The following SPAG16 variants were observed in gnomAD, a reference collection of about 807,000 sequenced individuals.
SPAG16 encodes sperm associated antigen 16, also known as sperm-associated antigen 16 protein.
A neutral mutation model predicts 80.4 loss-of-function variants in SPAG16; 86 were observed. The ratio of observed to expected loss-of-function variants is 1.07; its 90% CI spans 0.90 to 1.28. SPAG16 has a LOEUF of 1.28. Ranked by LOEUF, SPAG16 falls within the 50% of genes most tolerant of loss-of-function variation. The probability of loss-of-function intolerance (pLI) is 0.00; values close to 1 mark genes in which losing one functional copy is unlikely to be tolerated. For synonymous variants in SPAG16, 294 were observed against 265.9 expected (o/e 1.11, Z -1.03); for missense variants, 870 against 765.3 (o/e 1.14, Z -1.61).
chr2:214,086,598 C>T (rs537193759), intron 13 of SPAG16, among the ~76,000 whole-genome samples: 16 of 152,154 alleles, frequency 1.1e-4, no homozygotes, highest in African/African-American at 3.6e-4. Flanking sequence ...GAAGAGATGC[C>T]TTCCACCGTG....
At chr2:213,771,074 C>T (rs2069217052) in intron 10 of SPAG16, among the ~76,000 whole-genome samples, 1 of 152,058 alleles carries the variant, frequency 6.6e-6, no homozygotes, top group African/African-American at 2.4e-5. Context: ...ATTTACATTC[C>T]CTCCAAAAGT....
intron 15 of SPAG16, among the ~76,000 whole-genome samples, chr2:214,348,986 A>G (rs1320736478): frequency 6.6e-6 from 1 of 152,218 alleles, no homozygotes; most frequent in Non-Finnish European, 1.5e-5. Flanking sequence ...TTTTACAATT[A>G]AATTTACAAT....
At chr2:213,371,681 C>G (rs1328647002) in intron 8 of SPAG16, among the ~76,000 whole-genome samples, 2 of 140,558 alleles carry the variant, frequency 1.4e-5, no homozygotes, top group East Asian at 4.3e-4. Context: ...TTGTCATTTA[C>G]TCTAAACTTT....
At chr2:214,262,645 T>C (rs1335009909) in intron 15 of SPAG16, among the ~76,000 whole-genome samples, 2 of 152,046 alleles carry the variant, frequency 1.3e-5, no homozygotes, top group Non-Finnish European at 2.9e-5. Flanking sequence ...ATTTTTTCTG[T>C]ATCCTTCATC....
chr2:213,980,758 AGT>A lies in SPAG16; in HGVS notation c.1401-33192_1401-33191del, dbSNP rs1297236080. ...GAGAGAGAGAGAGAGAGAGAGAGAG[AGT>A]AAGCTGGGTGTGATGGTGTGTGCCT... On this transcript the variant is annotated intron_variant, in intron 12 of 15. Transcript: ENST00000331683. Among the ~76,000 whole-genome samples the A allele has an allele frequency of 2.7e-3, 386 of 143,500 alleles. 2 individuals are homozygous for A. Among genetic ancestry groups the A allele is most frequent in the Middle Eastern group, 7.5e-3 (2 of 266 alleles). 94.1% of individuals were successfully genotyped at this position (143,500 alleles called of 152,430 possible). A position where few individuals can be genotyped will look rare whatever the true frequency, so the allele number is the denominator to read the frequency against.
chr2:213,609,376 T>TC (rs1348653087), intron 10 of SPAG16, among the ~76,000 whole-genome samples: 1 of 152,230 alleles, frequency 6.6e-6, no homozygotes, highest in Non-Finnish European at 1.5e-5. Context: ...TTTAAGTATA[T>TC]CCCAATTCTT....
Position 214,201,656 on chromosome 2 carries a change from C to G in SPAG16, c.1720+52390C>G, listed in dbSNP as rs1330299970. 2.0e-5 allele frequency among the ~76,000 whole-genome samples: 3 copies of G among 152,134 alleles called. No homozygotes were observed. In the South Asian group the frequency reaches 6.2e-4, roughly 31 times the overall value. Reference sequence around the variant, plus strand: ...TTAGGTCACTTCAGCATGTCCTCTACAATGCCTGATATGGGATAGACTACA... The same window carrying G: ...TTAGGTCACTTCAGCATGTCCTCTAGAATGCCTGATATGGGATAGACTACA... On this transcript the variant is annotated intron_variant, in intron 15 of 15. Coordinates refer to ENST00000331683, the MANE Select transcript of SPAG16 (RefSeq NM_024532.5).
chr2:214,123,351 G>A (rs2054310487), intron 14 of SPAG16, among the ~76,000 whole-genome samples: 1 of 151,880 alleles, frequency 6.6e-6, no homozygotes, highest in African/African-American at 2.4e-5. Context: ...TATGAAAATT[G>A]AAAGCAACAT....
chr2:214,136,529 A>C (rs13430858), intron 14 of SPAG16, among the ~76,000 whole-genome samples: 15,617 of 152,216 alleles, frequency 0.1, 1,038 homozygotes, highest in East Asian at 0.29. Flanking sequence ...TTTCCAGCTC[A>C]TATCCATGGA....
intron 11 of SPAG16, among the ~76,000 whole-genome samples, chr2:213,904,289 T>C (rs1159849737): frequency 1.3e-5 from 2 of 152,142 alleles, no homozygotes; most frequent in Non-Finnish European, 2.9e-5. Flanking sequence ...AGAGGTTTAA[T>C]TGGACTTACA....
chr2:213,972,734 T>G (rs2045142500), intron 12 of SPAG16, among the ~76,000 whole-genome samples: 1 of 152,200 alleles, frequency 6.6e-6, no homozygotes, highest in Non-Finnish European at 1.5e-5. Flanking sequence ...TTTTATTTAC[T>G]TTTAATTTGC....
intron 12 of SPAG16, among the ~76,000 whole-genome samples, chr2:213,981,817 C>CT (rs1203310417): frequency 6.6e-6 from 1 of 151,594 alleles, no homozygotes; most frequent in East Asian, 1.9e-4. Flanking sequence ...TACACACATG[C>CT]TTATATATAA....
intron 10 of SPAG16, among the ~76,000 whole-genome samples, chr2:213,586,933 T>G (rs1018256475): frequency 6.6e-6 from 1 of 152,192 alleles, no homozygotes; most frequent in African/African-American, 2.4e-5. Flanking sequence ...CACATGGCTT[T>G]GGGAAGCCCC....
intron 13 of SPAG16, among the ~76,000 whole-genome samples, chr2:214,107,695 A>C (rs13024368): frequency 6.6e-6 from 1 of 152,162 alleles, no homozygotes; most frequent in Non-Finnish European, 1.5e-5. Flanking sequence ...TAAAAATGCC[A>C]CTGTATATAT....
At chr2:213,418,204 A>ATGTT (rs2069379320) in intron 9 of SPAG16, among the ~76,000 whole-genome samples, 1 of 152,198 alleles carries the variant, frequency 6.6e-6, no homozygotes, top group South Asian at 2.1e-4. Flanking sequence ...ATGTATACAC[A>ATGTT]TATATGCATA....
At chr2:213,767,503 A>G (rs1181444207) in intron 10 of SPAG16, among the ~76,000 whole-genome samples, 1 of 152,106 alleles carries the variant, frequency 6.6e-6, no homozygotes, top group African/African-American at 2.4e-5. Flanking sequence ...CCCCATCCTT[A>G]CAAAAAATAA....
rs2059934679 is a variant in SPAG16, at chr2:213,572,163, C to G, written c.1070+82073C>G. 5.3e-5 allele frequency among the ~76,000 whole-genome samples: 5 copies of G among 95,128 alleles called. 1 individual carries two copies. In the South Asian group the frequency reaches 2.0e-3, roughly 39 times the overall value. The allele number at this position is 95,128 out of a possible 152,430, so 62.4% of individuals were successfully genotyped here. On this transcript the variant is annotated intron_variant, in intron 10 of 15. Coordinates refer to ENST00000331683, the MANE Select transcript of SPAG16 (RefSeq NM_024532.5). Reference sequence around the variant, plus strand: ...TCTAAATTTTTTTCAAAGTTTTCAACTTCTTTGCCTTTGGTTTGAATGTCC... The same window carrying G: ...TCTAAATTTTTTTCAAAGTTTTCAAGTTCTTTGCCTTTGGTTTGAATGTCC...
rs185551660 is a variant in SPAG16, at chr2:213,310,862, T to C, written c.398+685T>C. ...TTTATTAAATGATTAGCTATGAAAA[T>C]GTATTTGAACTTTAATAGCTATTGC... On this transcript the variant is annotated intron_variant, in intron 4 of 15. Coordinates refer to ENST00000331683, the MANE Select transcript of SPAG16 (RefSeq NM_024532.5). Among the ~76,000 whole-genome samples, 123 of 151,918 alleles carry C rather than the reference T, an allele frequency of 8.1e-4. 1 individual carries two copies. Among genetic ancestry groups the C allele is most frequent in the Non-Finnish European group, 5.9e-5 (4 of 67,770 alleles).
At chr2:213,837,664 A>G (rs1434245866) in intron 10 of SPAG16, among the ~76,000 whole-genome samples, 1 of 152,256 alleles carries the variant, frequency 6.6e-6, no homozygotes, top group African/African-American at 2.4e-5. Context: ...GCAAATGTCC[A>G]TGCCCCAAAA....
Sources: allele counts gnomAD v4.1 joint callset (sites outside exome capture counted in the v4.1 genomes callset), GRCh38; gene constraint gnomAD v4.1.1; transcripts MANE v1.5; gene names NCBI Gene and HGNC (gene_info 2026-07-23, HGNC 2026-07-21).